Variants in GALNT13 observed in about 807,000 individuals in gnomAD.
GALNT13 encodes the protein polypeptide N-acetylgalactosaminyltransferase 13.
A neutral mutation model predicts 64.2 loss-of-function variants in GALNT13; 28 were observed. That is an observed-to-expected ratio of 0.44 (90% CI 0.32 to 0.60). The LOEUF is 0.60. GALNT13 is among the 20% of genes least tolerant of loss of function. GALNT13 has a pLI of 0.05. For synonymous variants in GALNT13, 214 were observed against 224.6 expected, an observed-to-expected ratio of 0.95 and a Z score of 0.42; for missense variants, 577 against 669.8, an observed-to-expected ratio of 0.86 and a Z score of 1.53.
At chr2:154,019,865 C>T (rs1697318403) in intron 3 of GALNT13, among the ~76,000 whole-genome samples, 1 of 151,394 alleles carries the variant, frequency 6.6e-6, no homozygotes, top group Non-Finnish European at 1.5e-5. Flanking sequence ...CCCCACCCCA[C>T]AACAGTCCCC....
chr2:153,772,677 C>T, the GALNT13 span, among the ~76,000 whole-genome samples: 2 of 152,174 alleles, frequency 1.3e-5, no homozygotes, highest in African/African-American at 4.8e-5. Context: ...GTTTTATTAG[C>T]TTTTTTTGGA....
chr2:153,682,075 G>A, the GALNT13 span, among the ~76,000 whole-genome samples: 2 of 151,704 alleles, frequency 1.3e-5, no homozygotes, highest in Admixed American at 6.6e-5. Context: ...GGCATATACT[G>A]TACACTACTA....
At chr2:153,113,486 C>T in the GALNT13 span, among the ~76,000 whole-genome samples, 4 of 151,886 alleles carry the variant, frequency 2.6e-5, no homozygotes. Flanking sequence ...CCAGGTTTCT[C>T]ACAACCTGGA....
chr2:154,233,037 CA>C (rs375484057), intron 4 of GALNT13, among the ~76,000 whole-genome samples: 4,803 of 59,084 alleles, frequency 0.081, 68 homozygotes, highest in Middle Eastern at 0.12. Context: ...GACCCTGTCT[CA>C]AAAAAAAAAA....
At chr2:154,242,286 G>C in intron 5 of GALNT13, 90 bp downstream of exon 5, 1 of 1,051,748 alleles carries the variant, frequency 9.5e-7, no homozygotes, top group East Asian at 2.5e-5. Context: ...TGGCCAAAAA[G>C]ATAACTAGGC....
At chr2:153,516,765 C>T in the GALNT13 span, among the ~76,000 whole-genome samples, 1 of 152,132 alleles carries the variant, frequency 6.6e-6, no homozygotes, top group Admixed American at 6.5e-5. Context: ...AATAATTAAG[C>T]ATGAATTCCA....
chr2:154,119,428 C>T (rs6710231), intron 3 of GALNT13, among the ~76,000 whole-genome samples: 28,049 of 151,972 alleles, frequency 0.18, 4,766 homozygotes, highest in East Asian at 0.74. Flanking sequence ...TTGAATTTGA[C>T]TGAGCTCTGT....
chr2:153,362,112 C>T, the GALNT13 span, among the ~76,000 whole-genome samples: 8 of 152,074 alleles, frequency 5.3e-5, no homozygotes, highest in East Asian at 1.9e-4. Flanking sequence ...TTTTATATCC[C>T]GTCAAACTAA....
the GALNT13 span, among the ~76,000 whole-genome samples, chr2:153,768,610 A>G: frequency 6.6e-6 from 1 of 152,162 alleles, no homozygotes; most frequent in African/African-American, 2.4e-5. Context: ...CACACCTGTA[A>G]TCCCAGCACG....
At chr2:153,674,265 C>G in the GALNT13 span, among the ~76,000 whole-genome samples, 1 of 152,140 alleles carries the variant, frequency 6.6e-6, no homozygotes, top group Non-Finnish European at 1.5e-5. Flanking sequence ...GCAAAAAGAA[C>G]AAAGCTGGAG....
the GALNT13 span, among the ~76,000 whole-genome samples, chr2:153,356,789 C>CTTTTTTTT: frequency 5.7e-5 from 6 of 104,902 alleles, 2 homozygotes; most frequent in Non-Finnish European, 5.6e-5. Context: ...TCTTCTTCCT[C>CTTTTTTTT]TTTTTTTTTT....
At chr2:154,078,759 T>C (rs1181179103) in intron 3 of GALNT13, among the ~76,000 whole-genome samples, 3 of 151,594 alleles carry the variant, frequency 2.0e-5, no homozygotes, top group East Asian at 1.9e-4. Context: ...ACTGAACATA[T>C]GTTTGTATTC....
At chr2:153,743,909 A>G in the GALNT13 span, among the ~76,000 whole-genome samples, 1 of 152,090 alleles carries the variant, frequency 6.6e-6, no homozygotes, top group Non-Finnish European at 1.5e-5. Context: ...CCCACAAATA[A>G]GTGAGAATAG....
intron 10 of GALNT13, among the ~76,000 whole-genome samples, chr2:154,398,428 C>A (rs974081822): frequency 1.3e-5 from 2 of 152,184 alleles, no homozygotes; most frequent in Non-Finnish European, 2.9e-5. Flanking sequence ...TCAAGGAAAC[C>A]TAATTCACTT....
chr2:153,999,318 C>G (rs932067139), intron 3 of GALNT13, among the ~76,000 whole-genome samples: 1 of 150,538 alleles, frequency 6.6e-6, no homozygotes, highest in African/African-American at 2.5e-5. Flanking sequence ...CTTTCTCTGG[C>G]CAAATTGCTG....
At chr2:153,790,051 G>T in the GALNT13 span, among the ~76,000 whole-genome samples, 8 of 152,098 alleles carry the variant, frequency 5.3e-5, no homozygotes, top group Admixed American at 6.6e-5. Flanking sequence ...TCAAAAAATT[G>T]ATGAGGAGGG....
At chr2:153,211,720 C>T in the GALNT13 span, among the ~76,000 whole-genome samples, 1 of 152,084 alleles carries the variant, frequency 6.6e-6, no homozygotes, top group African/African-American at 2.4e-5. Flanking sequence ...GAGGAGAAAT[C>T]TGTGTTTTGA....
intron 3 of GALNT13, among the ~76,000 whole-genome samples, chr2:154,052,743 T>C (rs932731540): frequency 2.0e-5 from 3 of 150,006 alleles, no homozygotes. Context: ...ACTTTTTTTT[T>C]TTTTTTTTTT....
the GALNT13 span, among the ~76,000 whole-genome samples, chr2:153,738,753 C>G: frequency 6.6e-6 from 1 of 151,900 alleles, no homozygotes; most frequent in African/African-American, 2.4e-5. Flanking sequence ...AATATTTGAG[C>G]ATTTGTATCT....
Sources: allele counts gnomAD v4.1 joint callset (sites outside exome capture counted in the v4.1 genomes callset), GRCh38; gene constraint gnomAD v4.1.1; transcripts MANE v1.5; gene names NCBI Gene and HGNC (gene_info 2026-07-23, HGNC 2026-07-21).